The following RGS7 variants were observed in gnomAD, a reference collection of about 807,000 sequenced individuals.
RGS7 encodes the protein regulator of G-protein signaling 7.
A neutral mutation model predicts 81.1 loss-of-function variants in RGS7; 27 were observed. The ratio of observed to expected loss-of-function variants is 0.33; its 90% confidence interval spans 0.25 to 0.46. The LOEUF is 0.46. Ranked by LOEUF, RGS7 falls within the 20% of genes least tolerant of loss-of-function variation. The pLI, the probability that RGS7 is intolerant of heterozygous loss-of-function variation, is 1.00. For synonymous variants in RGS7, 208 were observed against 207.7 expected (o/e 1.00, Z -0.01); for missense variants, 396 against 607.4 (o/e 0.65, Z 3.66).
intron 2 of RGS7, among the ~76,000 whole-genome samples, chr1:241,247,686 G>A (rs901495154): frequency 6.6e-6 from 1 of 151,632 alleles, no homozygotes; most frequent in Non-Finnish European, 1.5e-5. Context: ...ACTAACCAAG[G>A]TTCCTTTTCT....
intron 3 of RGS7, among the ~76,000 whole-genome samples, chr1:241,035,500 T>C (rs539781366): frequency 6.6e-5 from 10 of 152,312 alleles, no homozygotes; most frequent in African/African-American, 2.4e-4. Context: ...AAAATAATTA[T>C]GTGGTGGGCT....
intron 2 of RGS7, among the ~76,000 whole-genome samples, chr1:241,221,006 A>AAAGGAAGGAAGGAAGGAAGG (rs58113561): frequency 1.2e-5 from 1 of 84,550 alleles, no homozygotes; most frequent in African/African-American, 4.0e-5. Flanking sequence ...AGAGAGAGAG[A>AAAGGAAGGAAGGAAGGAAGG]AAGGAAGGAA....
chr1:240,813,895 TA>T (rs756257087), intron 12 of RGS7, among the ~76,000 whole-genome samples, 167 bp from the exon 13 acceptor site: 19 of 152,214 alleles, frequency 1.2e-4, no homozygotes, highest in Admixed American at 8.5e-4. Flanking sequence ...TGCAACAACT[TA>T]TTGTGCTTCT....
intron 2 of RGS7, among the ~76,000 whole-genome samples, chr1:241,109,630 C>T (rs1210185836): frequency 2.6e-5 from 4 of 152,148 alleles, no homozygotes; most frequent in African/African-American, 9.6e-5. Flanking sequence ...GGACGTATTA[C>T]TTTTATAATT....
At chr1:241,153,262 T>C (rs2068881171) in intron 2 of RGS7, among the ~76,000 whole-genome samples, 1 of 144,204 alleles carries the variant, frequency 6.9e-6, no homozygotes, top group Non-Finnish European at 1.6e-5. Context: ...ACACCTGCCA[T>C]GAGGGCACAG....
chr1:241,176,416 G>A (rs1277181255), intron 2 of RGS7, among the ~76,000 whole-genome samples: 1 of 152,198 alleles, frequency 6.6e-6, no homozygotes, highest in Non-Finnish European at 1.5e-5. Flanking sequence ...GAAGGGAAAA[G>A]TGCTGATAGT....
intron 2 of RGS7, among the ~76,000 whole-genome samples, chr1:241,179,401 A>G (rs1346384830): frequency 2.0e-5 from 3 of 152,082 alleles, no homozygotes; most frequent in African/African-American, 7.2e-5. Context: ...CAGATTTTTT[A>G]AACTTTGGCT....
At chr1:240,966,017 G>T (rs889018017) in intron 4 of RGS7, among the ~76,000 whole-genome samples, 2 of 152,120 alleles carry the variant, frequency 1.3e-5, no homozygotes, top group Admixed American at 1.3e-4. Context: ...GCTCTTCGTC[G>T]TATACCCGAC....
intron 3 of RGS7, among the ~76,000 whole-genome samples, chr1:241,007,096 T>G (rs1425756391): frequency 6.6e-6 from 1 of 152,058 alleles, no homozygotes; most frequent in Non-Finnish European, 1.5e-5. Flanking sequence ...TTTGTATTTT[T>G]AGTAGAGACA....
rs1553394000 is a variant in RGS7 at position 241,030,377 on chromosome 1, T to TACAC, written c.176-47252_176-47249dup. Among the ~76,000 whole-genome samples, 34 of 137,436 alleles carry TACAC rather than the reference T, an allele frequency of 2.5e-4. 1 individual carries two copies. Among genetic ancestry groups the TACAC allele is most frequent in the African/African-American group, 8.6e-4 (31 of 35,952 alleles). 90.2% of individuals were successfully genotyped at this position (137,436 alleles called of 152,430 possible). A position where few individuals can be genotyped will look rare whatever the true frequency, so the allele number is the denominator to read the frequency against. On this transcript the variant is annotated intron_variant, in intron 3 of 18. Transcript: ENST00000440928. ...AACTTATAGCATATATATATATACATACACACATACATACACACACACACT... is the reference window on the plus strand; with the variant it reads ...AACTTATAGCATATATATATATACATACACACACACATACATACACACACACACT...
chr1:241,144,926 G>GGGGTGTGTGTGTGTGTGTGTGT lies in RGS7; in HGVS notation c.79-46165_79-46164insACACACACACACACACACACCC, dbSNP rs2068191841. Among the ~76,000 whole-genome samples the GGGGTGTGTGTGTGTGTGTGTGT allele has an allele frequency of 3.5e-5, 5 of 141,904 alleles. No individual in the cohort carries two copies. Among genetic ancestry groups the GGGGTGTGTGTGTGTGTGTGTGT allele is most frequent in the African/African-American group, 1.1e-4 (4 of 37,322 alleles). The allele number at this position is 141,904 out of a possible 152,430, so 93.1% of individuals were successfully genotyped here. ...TCAGTATGTGTTGGCAGGGCAGGAT[G>GGGGTGTGTGTGTGTGTGTGTGT]GTGTGTGTGTGTGTGTGTGTGTGTG... On this transcript the variant is annotated intron_variant, in intron 2 of 18. Coordinates refer to ENST00000440928, the MANE Select transcript of RGS7 (RefSeq NM_001364886.1). This position sits in a 1 kb window ranked among gnomAD's most constrained non-coding sequence, Gnocchi z 4.7.
intron 6 of RGS7, among the ~76,000 whole-genome samples, chr1:240,880,487 C>G (rs543739288): frequency 6.6e-6 from 1 of 152,232 alleles, no homozygotes; most frequent in Non-Finnish European, 1.5e-5. Flanking sequence ...CTGCAGCAAT[C>G]CTTCAAGGCC....
At chr1:241,326,365 C>T (rs1302932215) in intron 2 of RGS7, among the ~76,000 whole-genome samples, 1 of 152,140 alleles carries the variant, frequency 6.6e-6, no homozygotes, top group Non-Finnish European at 1.5e-5. Context: ...ATAACCTCCT[C>T]TTCAATTTTC....
intron 2 of RGS7, among the ~76,000 whole-genome samples, chr1:241,233,921 T>A (rs2075792716): frequency 6.6e-6 from 1 of 151,950 alleles, no homozygotes; most frequent in South Asian, 2.1e-4. Context: ...CCATCTGTCA[T>A]TCCCTATCTT....
Position 241,352,159 on chromosome 1 carries a change from T to C in RGS7, c.78+3540A>G, listed in dbSNP as rs138975767. Among the ~76,000 whole-genome samples the C allele has an allele frequency of 4.7e-3, 707 of 151,952 alleles. 5 individuals carry two copies. Among genetic ancestry groups the C allele is most frequent in the African/African-American group, 0.016 (660 of 41,450 alleles). ...GTCTAAAGCCGACCAAAAACGGGGG[T>C]AGTGTTTAAGATCCATCAACACCAA... On this transcript the variant is annotated intron_variant, in intron 2 of 18. Transcript: ENST00000440928.
chr1:240,830,340 A>C (rs930055889), intron 9 of RGS7, among the ~76,000 whole-genome samples: 5 of 152,224 alleles, frequency 3.3e-5, no homozygotes, highest in African/African-American at 1.2e-4. Flanking sequence ...CTGAAACACA[A>C]ACTTCAGCAG....
chr1:240,812,173 T>C (rs1258172559), intron 13 of RGS7, 130 bp from the exon 14 acceptor site: 6 of 905,628 alleles, frequency 6.6e-6, no homozygotes, highest in Non-Finnish European at 1.1e-5. Flanking sequence ...AAAATATATA[T>C]ATCCGATTAA....
chr1:241,221,173 GA>G (rs1319795732), intron 2 of RGS7, among the ~76,000 whole-genome samples: 1 of 139,968 alleles, frequency 7.1e-6, no homozygotes, highest in African/African-American at 2.5e-5. Context: ...GAAGGAAGGG[GA>G]AAAAAGAAAG....
intron 6 of RGS7, among the ~76,000 whole-genome samples, chr1:240,925,286 C>T (rs1213064025): frequency 6.6e-6 from 1 of 152,082 alleles, no homozygotes; most frequent in Non-Finnish European, 1.5e-5. Context: ...CATCATTCCC[C>T]CCACCAGTAC....
Sources: allele counts gnomAD v4.1 joint callset (sites outside exome capture counted in the v4.1 genomes callset), GRCh38; gene constraint gnomAD v4.1.1; non-coding constraint Gnocchi (gnomAD v3.1); transcripts MANE v1.5; gene names NCBI Gene and HGNC (gene_info 2026-07-23, HGNC 2026-07-21).